Variants in TTC39B observed in about 807,000 individuals in gnomAD.
TTC39B encodes the protein tetratricopeptide repeat domain 39B.
Under a neutral mutation model 96.6 loss-of-function variants are expected in TTC39B, and 92 were observed. That is an observed-to-expected ratio of 0.95 (90% CI 0.80 to 1.13). The LOEUF (loss-of-function observed/expected upper bound fraction) is 1.13, where lower values mean the gene tolerates loss of function less well. Among genes scored for constraint, TTC39B ranks in the 50% most tolerant of loss-of-function variants. The pLI is 0.00. For synonymous variants in TTC39B, 367 were observed against 299.4 expected, an observed-to-expected ratio of 1.23 and a Z score of -2.33; for missense variants, 955 against 809.3, an observed-to-expected ratio of 1.18 and a Z score of -2.18.
At chr9:15,285,780 G>A (rs1456247817) in intron 1 of TTC39B, among the ~76,000 whole-genome samples, 8 of 152,192 alleles carry the variant, frequency 5.3e-5, no homozygotes, top group South Asian at 2.1e-4. Flanking sequence ...GCGTGAACCC[G>A]GGAGGCGGAG....
At chr9:15,196,339 C>T (rs1032167486) in intron 8 of TTC39B, among the ~76,000 whole-genome samples, 1 of 152,134 alleles carries the variant, frequency 6.6e-6, no homozygotes. Context: ...CTAATGGATC[C>T]AGGGAAAGGA....
chr9:15,217,976 G>A (rs1048825589), intron 3 of TTC39B, among the ~76,000 whole-genome samples: 1 of 152,004 alleles, frequency 6.6e-6, no homozygotes, highest in Non-Finnish European at 1.5e-5. Context: ...TTGGGAGGCC[G>A]AGGTGGGTGG....
chr9:15,269,107 A>C (rs1823243150), intron 1 of TTC39B, among the ~76,000 whole-genome samples: 1 of 152,060 alleles, frequency 6.6e-6, no homozygotes, highest in Non-Finnish European at 1.5e-5. Flanking sequence ...ACTCATTCTC[A>C]TCCTTTGATT....
intron 1 of TTC39B, among the ~76,000 whole-genome samples, chr9:15,303,203 G>T (rs887338101): frequency 6.6e-5 from 10 of 151,984 alleles, no homozygotes; most frequent in African/African-American, 1.9e-4. Context: ...CTTTATAACT[G>T]TATTTGCTGA....
intron 15 of TTC39B, among the ~76,000 whole-genome samples, chr9:15,185,797 G>A (rs779110305): frequency 6.6e-6 from 1 of 152,176 alleles, no homozygotes; most frequent in Non-Finnish European, 1.5e-5. Flanking sequence ...CTTACGTTGT[G>A]GATACTCAGG....
chr9:15,203,802 T>C (rs749695849), intron 7 of TTC39B, 21 bp downstream of exon 7: 4 of 1,604,300 alleles, frequency 2.5e-6, no homozygotes, highest in African/African-American at 2.7e-5. Flanking sequence ...CAATACGAAT[T>C]CCAAGCCAAA....
intron 11 of TTC39B, among the ~76,000 whole-genome samples, chr9:15,190,011 G>A (rs367562612): frequency 3.9e-5 from 6 of 152,132 alleles, no homozygotes; most frequent in African/African-American, 1.4e-4. Flanking sequence ...AAGAATGCAG[G>A]TGGCTGTCTC....
intron 2 of TTC39B, among the ~76,000 whole-genome samples, 174 bp downstream of exon 2, chr9:15,267,740 T>G (rs1337571872): frequency 6.6e-6 from 1 of 152,216 alleles, no homozygotes; most frequent in African/African-American, 2.4e-5. Context: ...AAGTATTAGA[T>G]AGATCCTTTC....
chr9:15,189,048 GA>G (rs201537833), intron 13 of TTC39B, among the ~76,000 whole-genome samples: 5 of 151,142 alleles, frequency 3.3e-5, no homozygotes, highest in Admixed American at 2.0e-4. Context: ...TGTAAACAGT[GA>G]AAAAAAAATC....
At chr9:15,274,985 G>C (rs1823485502) in intron 1 of TTC39B, among the ~76,000 whole-genome samples, 2 of 151,154 alleles carry the variant, frequency 1.3e-5, no homozygotes, top group Admixed American at 6.6e-5. Flanking sequence ...GATTAATATA[G>C]TTCCCTGGTT....
intron 6 of TTC39B, among the ~76,000 whole-genome samples, chr9:15,209,384 A>T (rs1013219197): frequency 2.0e-5 from 3 of 152,192 alleles, no homozygotes; most frequent in African/African-American, 7.2e-5. Flanking sequence ...CTAAATGTCC[A>T]CAAACCAAGC....
chr9:15,177,152 G>C (rs1366103827), intron 18 of TTC39B, among the ~76,000 whole-genome samples: 2 of 152,068 alleles, frequency 1.3e-5, no homozygotes, highest in Non-Finnish European at 2.9e-5. Context: ...TAAATGAATG[G>C]ACAAATAAAT....
chr9:15,280,197 C>G (rs1052903590), intron 1 of TTC39B, among the ~76,000 whole-genome samples: 1 of 152,144 alleles, frequency 6.6e-6, no homozygotes. Context: ...CGTGCCCGGC[C>G]TGTAAATAAA....
chr9:15,237,489 G>A (rs140035245), intron 2 of TTC39B, among the ~76,000 whole-genome samples: 15 of 152,054 alleles, frequency 9.9e-5, no homozygotes, highest in African/African-American at 3.6e-4. Context: ...GATCATAAGA[G>A]ACTCCTATGA....
chr9:15,191,056 G>A (rs1818829279), intron 10 of TTC39B, 134 bp downstream of exon 10: 1 of 682,654 alleles, frequency 1.5e-6, no homozygotes, highest in Non-Finnish European at 2.5e-6. Flanking sequence ...AAGAATCAAA[G>A]GCTTATTTTC....
intron 6 of TTC39B, among the ~76,000 whole-genome samples, chr9:15,206,541 G>T (rs1819866153): frequency 6.6e-6 from 1 of 152,122 alleles, no homozygotes; most frequent in Admixed American, 6.5e-5. Context: ...CTCAAAATTA[G>T]CCATTAGGCA....
At chr9:15,277,943 C>A (rs540031119) in intron 1 of TTC39B, among the ~76,000 whole-genome samples, 74 of 152,292 alleles carry the variant, frequency 4.9e-4, no homozygotes, top group African/African-American at 1.7e-3. Context: ...GAATTTCCAA[C>A]AACCAGCCAA....
intron 16 of TTC39B, among the ~76,000 whole-genome samples, chr9:15,184,358 T>C (rs1818406484): frequency 6.6e-6 from 1 of 151,468 alleles, no homozygotes; most frequent in South Asian, 2.1e-4. Context: ...CAGTGTATAA[T>C]TGTAAAAACT....
chr9:15,174,281 T>C (rs942597246), intron 19 of TTC39B, among the ~76,000 whole-genome samples: 1 of 152,088 alleles, frequency 6.6e-6, no homozygotes, highest in African/African-American at 2.4e-5. Flanking sequence ...TGACACATAA[T>C]AGGTGCTCAG....
Sources: gnomAD v4.1 joint callset for allele counts (sites outside exome capture counted in the v4.1 genomes callset) on GRCh38, gnomAD v4.1.1 for gene constraint, MANE v1.5 for transcripts, NCBI Gene and HGNC (gene_info 2026-07-23, HGNC 2026-07-21) for gene names.